Variants in CDKAL1 observed in about 807,000 individuals in gnomAD.
CDKAL1 encodes CDKAL1 threonylcarbamoyladenosine tRNA methylthiotransferase.
CDKAL1 carries 32 observed loss-of-function variants against 68.2 expected under a neutral mutation model. The ratio of observed to expected loss-of-function variants is 0.47; its 90% confidence interval spans 0.35 to 0.63. The LOEUF is 0.63. Among genes scored for constraint, CDKAL1 ranks in the 30% least tolerant of loss-of-function variants. The pLI, the probability that CDKAL1 is intolerant of heterozygous loss-of-function variation, is 0.00. For missense variants in CDKAL1, 606 were observed against 696.7 expected (o/e 0.87, Z 1.47); for synonymous variants, 234 against 244.3 (o/e 0.96, Z 0.39).
intron 9 of CDKAL1, among the ~76,000 whole-genome samples, chr6:20,907,388 C>G (rs1027105135): frequency 2.6e-5 from 4 of 151,976 alleles, no homozygotes; most frequent in African/African-American, 7.3e-5. Flanking sequence ...TGCCACTGCA[C>G]TCCAGTTTGG....
At chr6:20,839,499 A>G (rs1306346065) in intron 8 of CDKAL1, among the ~76,000 whole-genome samples, 1 of 152,212 alleles carries the variant, frequency 6.6e-6, no homozygotes, top group Non-Finnish European at 1.5e-5. Context: ...AACTACTGAT[A>G]GAAACTGGAA....
intron 9 of CDKAL1, among the ~76,000 whole-genome samples, chr6:20,918,294 C>T (rs1372027102): frequency 6.6e-6 from 1 of 152,174 alleles, no homozygotes; most frequent in African/African-American, 2.4e-5. Context: ...TTCTTAATTA[C>T]CCAGTCTAAG....
At chr6:21,128,586 G>C (rs559805677) in intron 13 of CDKAL1, among the ~76,000 whole-genome samples, 1 of 152,044 alleles carries the variant, frequency 6.6e-6, no homozygotes, top group Non-Finnish European at 1.5e-5. Context: ...GGCTGAAGAC[G>C]CCTCAGAATG....
intron 11 of CDKAL1, among the ~76,000 whole-genome samples, chr6:21,056,163 T>C (rs1024754390): frequency 6.6e-6 from 1 of 152,166 alleles, no homozygotes; most frequent in African/African-American, 2.4e-5. Context: ...CCGAATGGAA[T>C]GTTTTTCCAT....
chr6:20,856,451 G>T (rs1348763479), intron 9 of CDKAL1, among the ~76,000 whole-genome samples: 1 of 152,098 alleles, frequency 6.6e-6, no homozygotes, highest in Non-Finnish European at 1.5e-5. Context: ...TTATGACATG[G>T]GCTTGATTTT....
chr6:20,789,312 T>C (rs1434431213), intron 8 of CDKAL1, among the ~76,000 whole-genome samples: 3 of 152,206 alleles, frequency 2.0e-5, no homozygotes, highest in Admixed American at 6.5e-5. Context: ...ATTATAAGAC[T>C]GTACTTGGGA....
chr6:21,071,979 A>G (rs1013422937), intron 12 of CDKAL1, among the ~76,000 whole-genome samples: 10 of 152,206 alleles, frequency 6.6e-5, no homozygotes, highest in Non-Finnish European at 1.2e-4. Context: ...CAGATTACCA[A>G]TGTTACATCA....
intron 4 of CDKAL1, among the ~76,000 whole-genome samples, chr6:20,588,959 T>C (rs184195555): frequency 1.2e-4 from 19 of 152,334 alleles, no homozygotes; most frequent in Non-Finnish European, 1.8e-4. Context: ...TGAAATCTTA[T>C]AATATTTTCA....
chr6:21,127,899 A>G (rs1775101493), intron 13 of CDKAL1, among the ~76,000 whole-genome samples: 1 of 152,200 alleles, frequency 6.6e-6, no homozygotes, highest in Non-Finnish European at 1.5e-5. Flanking sequence ...ACTTCAAATT[A>G]TTGCTTTGCC....
At chr6:20,998,014 C>T (rs1249668110) in intron 10 of CDKAL1, among the ~76,000 whole-genome samples, 1 of 152,124 alleles carries the variant, frequency 6.6e-6, no homozygotes, top group African/African-American at 2.4e-5. Context: ...TCCTTCTCTC[C>T]ATTTTATAGA....
chr6:21,037,125 A>G (rs1486377096), intron 11 of CDKAL1, among the ~76,000 whole-genome samples: 1 of 152,164 alleles, frequency 6.6e-6, no homozygotes, highest in Non-Finnish European at 1.5e-5. Context: ...ACGGAAACCC[A>G]ATATGTGACA....
At chr6:20,641,326 A>G (rs908488010) in intron 4 of CDKAL1, among the ~76,000 whole-genome samples, 1 of 152,224 alleles carries the variant, frequency 6.6e-6, no homozygotes, top group African/African-American at 2.4e-5. Flanking sequence ...CATGCTTTTA[A>G]CAATTCAAAC....
chr6:20,835,145 G>T (rs1383116884), intron 8 of CDKAL1, among the ~76,000 whole-genome samples: 1 of 152,114 alleles, frequency 6.6e-6, no homozygotes, highest in Non-Finnish European at 1.5e-5. Flanking sequence ...AGGGAGAGGT[G>T]ACAGAGAGAC....
intron 10 of CDKAL1, among the ~76,000 whole-genome samples, chr6:20,977,355 T>C (rs1765889546): frequency 6.6e-6 from 1 of 152,210 alleles, no homozygotes; most frequent in Non-Finnish European, 1.5e-5. Context: ...TTTAGTTAAA[T>C]TGATAATAAA....
At chr6:20,830,450 G>C (rs567198131) in intron 8 of CDKAL1, among the ~76,000 whole-genome samples, 6 of 149,524 alleles carry the variant, frequency 4.0e-5, no homozygotes, top group Admixed American at 4.0e-4. Flanking sequence ...TAAAGAATTT[G>C]TATGATATGT....
intron 10 of CDKAL1, among the ~76,000 whole-genome samples, chr6:20,983,272 A>C (rs2150778509): frequency 6.6e-6 from 1 of 152,376 alleles, no homozygotes; most frequent in South Asian, 2.1e-4. Context: ...TAAGTAATGT[A>C]ATAAGAGCTA....
rs116387216 is a variant in CDKAL1, at chr6:21,216,193, T to G, written c.1549-14655T>G. Among the ~76,000 whole-genome samples, 986 of 152,296 alleles carry G rather than the reference T, an allele frequency of 6.5e-3. 8 individuals are homozygous for G. Among genetic ancestry groups the G allele is most frequent in the African/African-American group, 0.021 (858 of 41,550 alleles). ...TTCCAGAACTAAAAAATGGTAAATT[T>G]GTATTGTTTTAAGCCATGCAGTTTA... On this transcript the variant is annotated intron_variant, in intron 15 of 15. Transcript: ENST00000274695.
intron 15 of CDKAL1, among the ~76,000 whole-genome samples, chr6:21,226,869 C>T (rs1384335323): frequency 1.3e-5 from 2 of 152,284 alleles, no homozygotes; most frequent in South Asian, 4.1e-4. Context: ...CCCGCCACCA[C>T]GCCTGGCTCA....
chr6:21,075,192 A>G (rs1772003345), intron 12 of CDKAL1, among the ~76,000 whole-genome samples: 2 of 152,050 alleles, frequency 1.3e-5, no homozygotes, highest in Non-Finnish European at 2.9e-5. Context: ...AAGATATACT[A>G]TTTTCTGAGA....
Sources: allele counts gnomAD v4.1 joint callset (sites outside exome capture counted in the v4.1 genomes callset), GRCh38; gene constraint gnomAD v4.1.1; transcripts MANE v1.5; gene names NCBI Gene and HGNC (gene_info 2026-07-23, HGNC 2026-07-21).